Variants in CPVL observed in about 807,000 individuals in gnomAD.
CPVL encodes the protein carboxypeptidase vitellogenic like, also known as probable serine carboxypeptidase CPVL.
A neutral mutation model predicts 63.7 loss-of-function variants in CPVL; 51 were observed. The observed-to-expected ratio is 0.80, with a 90% confidence interval of 0.64 to 1.01. The LOEUF is 1.01. Ranked by LOEUF, CPVL falls within the 50% of genes least tolerant of loss-of-function variation. The probability of loss-of-function intolerance (pLI) is 0.00; values close to 1 mark genes in which losing one functional copy is unlikely to be tolerated. For missense variants in CPVL, 530 were observed against 573.1 expected (o/e 0.92, Z 0.77); for synonymous variants, 195 against 206.0 (o/e 0.95, Z 0.46).
intron 5 of CPVL, among the ~76,000 whole-genome samples, chr7:29,180,475 C>T (rs982148825): frequency 2.0e-5 from 3 of 151,528 alleles, no homozygotes; most frequent in African/African-American, 7.3e-5. Flanking sequence ...TGCAGTGAGC[C>T]GAGATCGCGC....
upstream of CPVL, chr7:29,147,098 A>C (rs1365336626): frequency 8.2e-7 from 1 of 1,213,086 alleles, no homozygotes; most frequent in Non-Finnish European, 1.1e-6. Context: ...GAGGTTAAGT[A>C]ACCCATCCAG....
rs143882893 is a variant in CPVL, at chr7:29,169,152, A to G, written c.-11+12138T>C. ...TTTCAGTTTTCTTTCTTTCATACCT[A>G]TTCTAGGTGGTCTATGCATTGTATA... On this transcript the variant is annotated intron_variant, in intron 5 of 16. Transcript: ENST00000409850. Among the ~76,000 whole-genome samples the G allele has an allele frequency of 6.6e-3, 1,002 of 152,160 alleles. 11 individuals are homozygous for G. The highest frequency in any genetic ancestry group is 0.022 in the African/African-American group (913 of 41,518).
chr7:29,015,544 C>T (rs542636834), intron 12 of CPVL, among the ~76,000 whole-genome samples: 1 of 152,186 alleles, frequency 6.6e-6, no homozygotes, highest in Non-Finnish European at 1.5e-5. Context: ...CCAGCTTTGC[C>T]CTCTGCCATA....
intron 9 of CPVL, among the ~76,000 whole-genome samples, chr7:29,070,967 TAACA>T (rs1050848156): frequency 3.9e-4 from 60 of 152,290 alleles, no homozygotes; most frequent in African/African-American, 1.3e-3. Context: ...ATGTGTCTAA[TAACA>T]AACAAATTAA....
intron 12 of CPVL, among the ~76,000 whole-genome samples, chr7:29,007,168 A>C (rs1442039096): frequency 1.3e-5 from 2 of 152,226 alleles, no homozygotes; most frequent in Non-Finnish European, 2.9e-5. Flanking sequence ...AGAGAAAGTT[A>C]CGCATTGTTG....
intron 1 of CPVL, among the ~76,000 whole-genome samples, chr7:29,121,293 T>A (rs541099553): frequency 6.6e-6 from 1 of 152,180 alleles, no homozygotes; most frequent in African/African-American, 2.4e-5. Flanking sequence ...GTGTCAGTAA[T>A]TTTTCAATTA....
intron 3 of CPVL, among the ~76,000 whole-genome samples, chr7:29,102,704 A>G (rs1405580787): frequency 1.3e-5 from 2 of 152,090 alleles, no homozygotes; most frequent in African/African-American, 2.4e-5. Context: ...AGAAGCAACT[A>G]TGGCTTTGCC....
At chr7:29,117,546 G>T (rs1355394551) in intron 2 of CPVL, among the ~76,000 whole-genome samples, 1 of 152,178 alleles carries the variant, frequency 6.6e-6, no homozygotes, top group Admixed American at 6.5e-5. Flanking sequence ...GGGCTCTGGG[G>T]TTGGCCAGTA....
At position 29,090,322 on chromosome 7, in the gene CPVL, T is replaced by C. The variant is rs77651744; in HGVS notation, c.542+2301A>G. On this transcript the variant is annotated intron_variant, in intron 6 of 12. Coordinates refer to ENST00000265394, the MANE Select transcript of CPVL (RefSeq NM_031311.5). ...TGAAGGGAGCCTCTTCTGCATTCAC[T>C]CTACATCTAGCAAGGCTGAGCCATG... Among the ~76,000 whole-genome samples, 658 of 152,264 alleles carry C rather than the reference T, an allele frequency of 4.3e-3. 1 individual carries two copies. Among genetic ancestry groups the C allele is most frequent in the African/African-American group, 0.015 (618 of 41,546 alleles).
At chr7:29,069,016 G>A (rs1783433248) in intron 9 of CPVL, among the ~76,000 whole-genome samples, 1 of 151,856 alleles carries the variant, frequency 6.6e-6, no homozygotes, top group Non-Finnish European at 1.5e-5. Flanking sequence ...CACCCAGATG[G>A]GGCACCATAG....
chr7:28,995,952 T>C, intron 12 of CPVL, 70 bp from the exon 13 acceptor site: 1 of 890,600 alleles, frequency 1.1e-6, no homozygotes, highest in South Asian at 1.6e-5. Flanking sequence ...AAAGTTTTCA[T>C]TCAGATTAAA....
At chr7:28,999,945 A>G (rs1378572155) in intron 12 of CPVL, among the ~76,000 whole-genome samples, 1 of 152,200 alleles carries the variant, frequency 6.6e-6, no homozygotes, top group Non-Finnish European at 1.5e-5. Flanking sequence ...ATAACAGACC[A>G]CTTGGCAGCT....
intron 12 of CPVL, among the ~76,000 whole-genome samples, chr7:28,999,993 T>C (rs1306727048): frequency 6.6e-6 from 1 of 152,016 alleles, no homozygotes; most frequent in Non-Finnish European, 1.5e-5. Context: ...GGGCTGTAAT[T>C]ACGTATTTAA....
At chr7:29,025,956 T>TTAGACAAAATGGAACTAACAGA (rs1230464480) in intron 12 of CPVL, among the ~76,000 whole-genome samples, 1 of 152,184 alleles carries the variant, frequency 6.6e-6, no homozygotes, top group East Asian at 1.9e-4. Flanking sequence ...AAACTGCACT[T>TTAGACAAAATGGAACTAACAGA]TAGACAAAAT....
intron 1 of CPVL, among the ~76,000 whole-genome samples, chr7:29,136,117 G>A (rs1339654683): frequency 6.6e-6 from 1 of 152,186 alleles, no homozygotes; most frequent in African/African-American, 2.4e-5. Context: ...ACTGCATATT[G>A]GAGCAGTAAG....
intron 11 of CPVL, among the ~76,000 whole-genome samples, chr7:29,044,421 AAAT>A (rs752174464): frequency 2.6e-5 from 4 of 152,266 alleles, no homozygotes; most frequent in South Asian, 4.1e-4. Flanking sequence ...TGTCTCAAAA[AAAT>A]AATAATAAAA....
chr7:29,129,150 A>G (rs1001563139), intron 1 of CPVL, among the ~76,000 whole-genome samples: 1 of 152,234 alleles, frequency 6.6e-6, no homozygotes, highest in Admixed American at 6.5e-5. Flanking sequence ...ATACCTCATA[A>G]GAGGCCACTG....
At chr7:29,194,452 G>A (rs926623718) in intron 1 of CPVL, 1 of 154,494 alleles carries the variant, frequency 6.5e-6, no homozygotes, top group Non-Finnish European at 1.4e-5. Context: ...GGGGCGGAGG[G>A]AGAAGGGGGA....
At chr7:29,121,315 T>C (rs559775282) in intron 1 of CPVL, among the ~76,000 whole-genome samples, 9 of 152,188 alleles carry the variant, frequency 5.9e-5, no homozygotes, top group African/African-American at 2.2e-4. Context: ...TGATTTTTTT[T>C]TTTTAAACAG....
Sources: allele counts gnomAD v4.1 joint callset (sites outside exome capture counted in the v4.1 genomes callset), GRCh38; gene constraint gnomAD v4.1.1; transcripts MANE v1.5; gene names NCBI Gene and HGNC (gene_info 2026-07-23, HGNC 2026-07-21).